Variants in SEC14L5 observed in about 807,000 individuals in gnomAD.
SEC14L5 encodes SEC14-like protein 5.
In SEC14L5, 96 loss-of-function variants were observed where a neutral mutation model predicts 84.6. The observed-to-expected ratio is 1.13, with a 90% CI of 0.96 to 1.34. The LOEUF (loss-of-function observed/expected upper bound fraction) is 1.34. SEC14L5 is among the 40% of genes most tolerant of loss of function. The probability of loss-of-function intolerance (pLI) is 0.00; values close to 1 mark genes in which losing one functional copy is unlikely to be tolerated. For synonymous variants in SEC14L5, 546 were observed against 383.4 expected (o/e 1.42, Z -4.95); for missense variants, 1,224 against 942.5 (o/e 1.30, Z -3.91).
At chr16:5,007,623 T>TG in intron 13 of SEC14L5, 137 bp downstream of exon 13, 1 of 624,956 alleles carries the variant, frequency 1.6e-6, no homozygotes, top group Non-Finnish European at 2.5e-6. Context: ...TTTTTTTTTT[T>TG]GGGATGGAGT....
At chr16:5,009,326 G>C (rs1173716986) in intron 14 of SEC14L5, among the ~76,000 whole-genome samples, 4 of 151,638 alleles carry the variant, frequency 2.6e-5, no homozygotes, top group Non-Finnish European at 5.9e-5. Context: ...TTTTTTTTGA[G>C]ACAGGGTCTC....
chr16:5,005,659 A>C (rs994699235), intron 11 of SEC14L5, among the ~76,000 whole-genome samples: 9 of 151,922 alleles, frequency 5.9e-5, no homozygotes, highest in Non-Finnish European at 1.0e-4. Flanking sequence ...CAGGAGATCG[A>C]GACCATCCTG....
intron 15 of SEC14L5, 148 bp from the exon 16 acceptor site, chr16:5,014,711 C>G: frequency 4.8e-6 from 3 of 625,758 alleles, no homozygotes; most frequent in Non-Finnish European, 8.5e-6. Context: ...GTGCTTTTCT[C>G]TTCATGGCGT....
intron 10 of SEC14L5, 48 bp from the exon 11 acceptor site, chr16:5,003,354 C>T (rs1955696776): frequency 6.6e-7 from 1 of 1,523,134 alleles, no homozygotes; most frequent in Non-Finnish European, 9.0e-7. Flanking sequence ...TGTTGGTGGC[C>T]TTGGGAGGCA....
Position 5,015,281 on chromosome 16 carries a change from TCTC to T in SEC14L5, c.*315_*317del, listed in dbSNP as rs1226345568. On this transcript the variant is annotated 3_prime_UTR_variant, in exon 16 of 16. Coordinates refer to ENST00000251170, the MANE Select transcript of SEC14L5 (RefSeq NM_014692.2). ...GGCTTAGCGACGTCAGCCAGGCCCA[TCTC>T]CTCTCTGTCCACCTCTTGCTCTGCT... 6.0e-6 allele frequency: 2 copies of T among 332,264 alleles called. No homozygotes were observed. Among genetic ancestry groups the T allele is most frequent in the Non-Finnish European group, 1.1e-5 (2 of 180,352 alleles). The allele number at this position is 332,264 out of a possible 1,614,324, so 20.6% of individuals were successfully genotyped here.
intron 2 of SEC14L5, among the ~76,000 whole-genome samples, chr16:4,965,522 G>A (rs988193498): frequency 1.3e-5 from 2 of 151,550 alleles, no homozygotes; most frequent in African/African-American, 2.4e-5. Flanking sequence ...TTAGCCGGGT[G>A]TGGTGGCGGG....
chr16:5,000,014 A>C (rs1313260923), intron 8 of SEC14L5, among the ~76,000 whole-genome samples: 1 of 151,934 alleles, frequency 6.6e-6, no homozygotes, highest in Non-Finnish European at 1.5e-5. Flanking sequence ...TTATGGGGCC[A>C]GCTGCGGTGG....
intron 8 of SEC14L5, among the ~76,000 whole-genome samples, chr16:4,997,515 G>A (rs1307031093): frequency 1.3e-5 from 2 of 152,194 alleles, no homozygotes; most frequent in Non-Finnish European, 2.9e-5. Context: ...AACCAGAGCT[G>A]GAAGGCTTTG....
intron 8 of SEC14L5, among the ~76,000 whole-genome samples, chr16:5,000,264 C>G (rs945680166): frequency 1.3e-5 from 2 of 152,204 alleles, no homozygotes; most frequent in African/African-American, 2.4e-5. Flanking sequence ...GCACTCCAGC[C>G]TGGGTGACAG....
chr16:4,995,823 A>C (rs551034615), intron 6 of SEC14L5, among the ~76,000 whole-genome samples: 9 of 151,910 alleles, frequency 5.9e-5, no homozygotes, highest in African/African-American at 2.2e-4. Context: ...ACTGGGTTTC[A>C]CCATGTTGGC....
chr16:4,969,369 T>C (rs914210543), intron 2 of SEC14L5, among the ~76,000 whole-genome samples: 6 of 152,088 alleles, frequency 3.9e-5, no homozygotes, highest in African/African-American at 1.4e-4. Flanking sequence ...GAGGCTCAAA[T>C]GTGCACTGAT....
At chr16:4,975,449 G>A (rs1312071689) in intron 2 of SEC14L5, among the ~76,000 whole-genome samples, 1 of 137,044 alleles carries the variant, frequency 7.3e-6, no homozygotes, top group African/African-American at 2.8e-5. Context: ...CTCCAGCCCG[G>A]GTGACAGAGC....
intron 6 of SEC14L5, among the ~76,000 whole-genome samples, chr16:4,994,973 C>A (rs1955594035): frequency 6.6e-6 from 1 of 152,162 alleles, no homozygotes; most frequent in Non-Finnish European, 1.5e-5. Context: ...TCTCCCTCAT[C>A]CCATCCTCAC....
intron 2 of SEC14L5, among the ~76,000 whole-genome samples, chr16:4,959,739 C>T (rs542846974): frequency 2.0e-5 from 3 of 152,296 alleles, no homozygotes; most frequent in African/African-American, 7.2e-5. Context: ...ATAATGACAA[C>T]AGCTGTTTAT....
Position 5,011,245 on chromosome 16 carries a change from T to C in SEC14L5, c.1951T>C (p.Cys651Arg). 6.2e-7 allele frequency: 1 copy of C among 1,613,804 alleles called. No homozygotes were observed. Among genetic ancestry groups the C allele is most frequent in the Non-Finnish European group, 8.5e-7 (1 of 1,179,836 alleles). ...PGPKCKLLYYCEVLASEDFRG... is the reference protein window; with the variant it reads ...PGPKCKLLYYREVLASEDFRG... ...GCCCAAGTGCAAACTTCTCTACTAC[T>C]GTGAGGTGCTCGCCTCTGAGGACTT... The change falls in exon 15 of 16, where the codon TGT (cysteine) becomes CGT (arginine). Residue 651 changes from cysteine (C) to arginine (R), a missense_variant. Cys to Arg is a radical substitution (Grantham distance 180, BLOSUM62 -3). Coordinates refer to ENST00000251170, the MANE Select transcript of SEC14L5 (RefSeq NM_014692.2).
chr16:4,984,957 A>G (rs972143695), intron 2 of SEC14L5, among the ~76,000 whole-genome samples: 3 of 152,212 alleles, frequency 2.0e-5, no homozygotes, highest in Admixed American at 2.0e-4. Flanking sequence ...CTACACACAC[A>G]TGTACACATA....
At chr16:5,012,818 C>T (rs1001018134) in intron 15 of SEC14L5, among the ~76,000 whole-genome samples, 1 of 151,876 alleles carries the variant, frequency 6.6e-6, no homozygotes, top group Non-Finnish European at 1.5e-5. Flanking sequence ...TGCCTTGAAC[C>T]CAGGAGGTGG....
At chr16:4,986,140 TTC>T (rs1301139616) in intron 2 of SEC14L5, among the ~76,000 whole-genome samples, 2 of 149,388 alleles carry the variant, frequency 1.3e-5, no homozygotes, top group African/African-American at 5.0e-5. Flanking sequence ...CTTCTTCTTC[TTC>T]TTTTTTTTTT....
chr16:4,991,053 G>A (rs1205549174), intron 5 of SEC14L5, among the ~76,000 whole-genome samples, 158 bp downstream of exon 5: 2 of 151,816 alleles, frequency 1.3e-5, no homozygotes, highest in East Asian at 3.9e-4. Context: ...CGAGATAATG[G>A]ATGGAAAGTA....
Sources: gnomAD v4.1 joint callset for allele counts (sites outside exome capture counted in the v4.1 genomes callset) on GRCh38, gnomAD v4.1.1 for gene constraint, MANE v1.5 for transcripts, NCBI Gene and HGNC (gene_info 2026-07-23, HGNC 2026-07-21) for gene names.